Variants in IL1R1 observed in about 807,000 individuals in gnomAD.
IL1R1 encodes the protein interleukin-1 receptor type 1.
A neutral mutation model predicts 50.2 loss-of-function variants in IL1R1; 22 were observed. That is an observed-to-expected ratio of 0.44 (90% CI 0.31 to 0.63). IL1R1 has a LOEUF of 0.63. Ranked by LOEUF, IL1R1 falls within the 20% of genes least tolerant of loss-of-function variation. IL1R1 has a pLI of 0.07. For missense variants in IL1R1, 509 were observed against 676.2 expected (o/e 0.75, Z 2.74); for synonymous variants, 251 against 236.7 (o/e 1.06, Z -0.55).
intron 1 of IL1R1, among the ~76,000 whole-genome samples, chr2:102,131,265 C>G (rs1351420415): frequency 2.6e-5 from 4 of 152,142 alleles, no homozygotes; most frequent in Non-Finnish European, 5.9e-5. Flanking sequence ...AAACTATTCT[C>G]AATAACTCAA....
intron 3 of IL1R1, among the ~76,000 whole-genome samples, chr2:102,163,310 ATGTTTTC>A (rs1684890116): frequency 6.6e-6 from 1 of 152,098 alleles, no homozygotes; most frequent in Non-Finnish European, 1.5e-5. Flanking sequence ...AACTTCAAAT[ATGTTTTC>A]TGTTTTCCAC....
chr2:102,101,501 C>A (rs949123661), upstream of IL1R1, among the ~76,000 whole-genome samples: 1 of 152,192 alleles, frequency 6.6e-6, no homozygotes, highest in Admixed American at 6.5e-5. Flanking sequence ...CATGCACACA[C>A]ATACACACAT....
intron 1 of IL1R1, among the ~76,000 whole-genome samples, chr2:102,113,901 T>A (rs1320216865): frequency 6.6e-6 from 1 of 152,212 alleles, no homozygotes; most frequent in Non-Finnish European, 1.5e-5. Flanking sequence ...TTTCTTCAAG[T>A]CGCGGCAGAT....
Position 102,098,051 on chromosome 2 carries a change from T to A in IL1R1, c.-84+27518T>A, listed in dbSNP as rs575648983. ...ATCAGTGTATAACCCGTGGAGATTT[T>A]AAAAAGATGAGAATCCATGACCGTG... On this transcript the variant is annotated intron_variant, in intron 1 of 11. Coordinates refer to the IL1R1 transcript ENST00000409929. Among the ~76,000 whole-genome samples the A allele has an allele frequency of 2.0e-5, 3 of 152,156 alleles. No homozygotes were observed. In the South Asian group the frequency reaches 6.2e-4, roughly 32 times the overall value.
intron 1 of IL1R1, among the ~76,000 whole-genome samples, chr2:102,117,943 A>AAT (rs1003044380): frequency 8.6e-5 from 13 of 150,442 alleles, no homozygotes; most frequent in East Asian, 1.9e-4. Flanking sequence ...AATTTTTCTA[A>AAT]ATATATATAT....
At chr2:102,173,596 G>A (rs1346004497) in intron 9 of IL1R1, among the ~76,000 whole-genome samples, 1 of 152,162 alleles carries the variant, frequency 6.6e-6, no homozygotes, top group Non-Finnish European at 1.5e-5. Context: ...ATAAATTAGA[G>A]AAGAACTAAA....
intron 1 of IL1R1, among the ~76,000 whole-genome samples, chr2:102,143,748 G>C (rs1212266857): frequency 2.0e-5 from 3 of 152,206 alleles, no homozygotes; most frequent in Non-Finnish European, 4.4e-5. Flanking sequence ...CCTCTGCACT[G>C]CCGGGAGGAA....
At chr2:102,157,327 T>C (rs1171149013) in intron 2 of IL1R1, among the ~76,000 whole-genome samples, 1 of 151,996 alleles carries the variant, frequency 6.6e-6, no homozygotes, top group Non-Finnish European at 1.5e-5. Context: ...GCAGGGGACA[T>C]AAGTGGGGAA....
intron 1 of IL1R1, among the ~76,000 whole-genome samples, chr2:102,086,773 A>G (rs115129712): frequency 0.029 from 4,360 of 152,174 alleles, 206 homozygotes; most frequent in African/African-American, 0.099. Context: ...AAGATTTTAT[A>G]TTTGTTCACT....
At chr2:102,153,227 G>T (rs926763177) in intron 1 of IL1R1, among the ~76,000 whole-genome samples, 5 of 152,038 alleles carry the variant, frequency 3.3e-5, no homozygotes, top group African/African-American at 1.2e-4. Flanking sequence ...ATTTCTTTCT[G>T]GCAAAACTCA....
At chr2:102,111,535 C>T (rs1215333241) in intron 1 of IL1R1, among the ~76,000 whole-genome samples, 3 of 152,144 alleles carry the variant, frequency 2.0e-5, no homozygotes, top group African/African-American at 7.2e-5. Context: ...ATTGCATGTC[C>T]AACCTGTGCT....
intron 1 of IL1R1, among the ~76,000 whole-genome samples, chr2:102,082,169 G>C (rs1345700325): frequency 6.6e-6 from 1 of 151,702 alleles, no homozygotes; most frequent in Non-Finnish European, 1.5e-5. Flanking sequence ...AACTATCTTT[G>C]TCTCTGCTTC....
chr2:102,138,705 G>A (rs969543900), upstream of IL1R1, among the ~76,000 whole-genome samples: 6 of 152,184 alleles, frequency 3.9e-5, no homozygotes, highest in Non-Finnish European at 7.3e-5. Flanking sequence ...GATGGAAAAT[G>A]TATGAGAGGA....
At chr2:102,077,777 C>G (rs1454775234) in intron 1 of IL1R1, among the ~76,000 whole-genome samples, 2 of 152,136 alleles carry the variant, frequency 1.3e-5, no homozygotes. Flanking sequence ...ACATTTTTAT[C>G]CACTGCATGT....
In IL1R1 at chr2:102,079,901, A is replaced by G. The variant is rs188635245; in HGVS notation, c.-84+9368A>G. ...TCAGAGTATAAATATAAAAATCAAT[A>G]AAAATAGAATTAAGAATTCAGAAAT... On this transcript the variant is annotated intron_variant, in intron 1 of 11. Transcript: ENST00000409929. Among the ~76,000 whole-genome samples, 494 of 152,294 alleles carry G rather than the reference A, an allele frequency of 3.2e-3. 2 individuals carry two copies. Among genetic ancestry groups the G allele is most frequent in the Admixed American group, 0.013 (201 of 15,302 alleles).
At chr2:102,160,019 A>T (rs1429428290) in intron 3 of IL1R1, among the ~76,000 whole-genome samples, 1 of 152,044 alleles carries the variant, frequency 6.6e-6, no homozygotes, top group African/African-American at 2.4e-5. Context: ...TGTTGCCTTT[A>T]TGGAGGAATG....
chr2:102,153,443 A>G (rs1480578396), intron 1 of IL1R1, among the ~76,000 whole-genome samples: 2 of 152,140 alleles, frequency 1.3e-5, no homozygotes, highest in Non-Finnish European at 2.9e-5. Flanking sequence ...TGGAACATAC[A>G]CTTGTTAAAC....
At position 102,164,864 on chromosome 2, in the gene IL1R1, A is replaced by G; in HGVS notation, c.152A>G (p.His51Arg). 6.2e-7 allele frequency: 1 copy of G among 1,614,116 alleles called. No individual in the cohort carries two copies. The highest frequency in any genetic ancestry group is 1.1e-5 in the South Asian group (1 of 91,084). The change falls in exon 4 of 12, where the codon CAC becomes CGC. Residue 51 changes from histidine to arginine, a missense_variant. Transcript: ENST00000410023. ...CCCTGTCCTCTTAACCCAAATGAAC[A>G]CAAAGGCACTATAACTTGGTATAAA... ...VRPCPLNPNE[H>R]KGTITWYKDD...
intron 1 of IL1R1, among the ~76,000 whole-genome samples, chr2:102,093,288 A>G (rs1679759520): frequency 1.3e-5 from 2 of 152,224 alleles, no homozygotes; most frequent in Admixed American, 6.5e-5. Context: ...AATCTAGCTT[A>G]TGTTATTGAG....
Sources: gnomAD v4.1 joint callset for allele counts (sites outside exome capture counted in the v4.1 genomes callset) on GRCh38, gnomAD v4.1.1 for gene constraint, MANE v1.5 for transcripts, NCBI Gene and HGNC (gene_info 2026-07-23, HGNC 2026-07-21) for gene names.